The following RAI1 variants were observed in gnomAD, a reference collection of about 807,000 sequenced individuals.
RAI1 encodes the protein retinoic acid induced 1, also known as retinoic acid-induced protein 1.
Under a neutral mutation model 123.8 loss-of-function variants are expected in RAI1, and 9 were observed. The ratio of observed to expected loss-of-function variants is 0.07; its 90% CI spans 0.04 to 0.13. RAI1 has a LOEUF of 0.13. RAI1 is among the 10% of genes least tolerant of loss of function. The pLI is 1.00. For synonymous variants in RAI1, 1,231 were observed against 1,127.3 expected (o/e 1.09, Z -1.84); for missense variants, 2,256 against 2,545.8 (o/e 0.89, Z 2.45).
chr17:17,690,038 G>A (rs1914784024), intron 1 of RAI1, among the ~76,000 whole-genome samples: 1 of 152,072 alleles, frequency 6.6e-6, no homozygotes, highest in Admixed American at 6.5e-5. Context: ...AGGCCTTATT[G>A]ACCTGGGAAA....
chr17:17,801,562 T>C lies in RAI1; in HGVS notation c.5566-2194T>C, dbSNP rs1351387035. Reference sequence around the variant, plus strand: ...ACAGCAGCCGGCTTGTGTTTCGTCATCCCTTTTGGGTCAGGAACTGGGGAC... The same window carrying C: ...ACAGCAGCCGGCTTGTGTTTCGTCACCCCTTTTGGGTCAGGAACTGGGGAC... On this transcript the variant is annotated intron_variant, in intron 3 of 5. Transcript: ENST00000353383. This position sits in a 1 kb window ranked among gnomAD's most constrained non-coding sequence, Gnocchi z 4.1. 6.6e-6 allele frequency among the ~76,000 whole-genome samples: 1 copy of C among 152,156 alleles called. No individual in the cohort carries two copies. Among genetic ancestry groups the C allele is most frequent in the East Asian group, 1.9e-4 (1 of 5,202 alleles).
chr17:17,690,182 C>G (rs1291168523), intron 1 of RAI1, among the ~76,000 whole-genome samples: 2 of 151,956 alleles, frequency 1.3e-5, no homozygotes, highest in African/African-American at 2.4e-5. Flanking sequence ...CCCGGGAGTT[C>G]GAGACCAGCC....
intron 2 of RAI1, among the ~76,000 whole-genome samples, chr17:17,763,671 G>A (rs2030800542): frequency 1.3e-5 from 2 of 152,236 alleles, no homozygotes; most frequent in African/African-American, 2.4e-5. Flanking sequence ...CAGCATGCCT[G>A]GAGTGTAGAA....
chr17:17,774,827 C>T (rs2031280241), intron 2 of RAI1, among the ~76,000 whole-genome samples: 2 of 152,254 alleles, frequency 1.3e-5, no homozygotes, highest in South Asian at 4.1e-4. Context: ...ATCTGCGCAC[C>T]ATCGTCTGAG....
At chr17:17,752,854 ATC>A (rs1428344082) in intron 2 of RAI1, among the ~76,000 whole-genome samples, 1 of 151,588 alleles carries the variant, frequency 6.6e-6, no homozygotes, top group African/African-American at 2.4e-5. Flanking sequence ...CAGCGTTTAT[ATC>A]TCTTTTTGTG....
At chr17:17,734,701 C>G (rs761070681) in intron 2 of RAI1, among the ~76,000 whole-genome samples, 1 of 152,208 alleles carries the variant, frequency 6.6e-6, no homozygotes, top group Non-Finnish European at 1.5e-5. Flanking sequence ...TTCCTATGTG[C>G]GGGTCAGAGC....
chr17:17,779,064 A>G (rs913688000), intron 2 of RAI1: 1 of 367,786 alleles, frequency 2.7e-6, no homozygotes, highest in Non-Finnish European at 5.4e-6. Flanking sequence ...TTTTACTCTT[A>G]AACACCTTCG....
intron 1 of RAI1, among the ~76,000 whole-genome samples, chr17:17,707,792 C>T (rs2142899350): frequency 1.3e-5 from 2 of 152,282 alleles, no homozygotes; most frequent in Middle Eastern, 3.4e-3. Flanking sequence ...CGGGTTTTTG[C>T]CATGTTGCCC....
In RAI1 at chr17:17,810,065, CG is replaced by C; in HGVS notation, c.*87del. ...GGAGAGGAGCCGCCTGCGCAGCCCC[CG>C]GGCCTTTGAGCTGCTCCCAGCGCTG... On this transcript the variant is annotated 3_prime_UTR_variant, in exon 6 of 6. Transcript: ENST00000353383. The surrounding 1 kb of genome is among the most constrained non-coding windows in gnomAD (Gnocchi z 4.6). 7 of 1,520,984 alleles carry C rather than the reference CG, an allele frequency of 4.6e-6. No individual in the cohort carries two copies. The highest frequency in any genetic ancestry group is 6.2e-6 in the Non-Finnish European group (7 of 1,131,086). 94.2% of individuals were successfully genotyped at this position (1,520,984 alleles called of 1,614,324 possible).
chr17:17,686,106 T>C (rs1158550113), intron 1 of RAI1, among the ~76,000 whole-genome samples: 1 of 152,202 alleles, frequency 6.6e-6, no homozygotes, highest in African/African-American at 2.4e-5. Context: ...TGAAAGCACG[T>C]CTCCTTGCTC....
Position 17,724,620 on chromosome 17 carries a change from G to T in RAI1, c.-17+461G>T, listed in dbSNP as rs1916016474. On this transcript the variant is annotated intron_variant, in intron 2 of 5. Coordinates refer to ENST00000353383, the MANE Select transcript of RAI1 (RefSeq NM_030665.4). ...AGTTCTGTTCAAGTTCGCAATCTGC[G>T]CCCCGAAGCTGGTCGGACCGGGGAG... Among the ~76,000 whole-genome samples the T allele has an allele frequency of 5.3e-5, 8 of 152,202 alleles. No homozygotes were observed. In the South Asian group the frequency reaches 1.7e-3, roughly 32 times the overall value.
intron 2 of RAI1, among the ~76,000 whole-genome samples, chr17:17,769,880 G>GAA (rs1050705125): frequency 2.6e-5 from 4 of 152,180 alleles, no homozygotes; most frequent in Non-Finnish European, 5.9e-5. Flanking sequence ...CGGGTGGAGG[G>GAA]AAATGGGCTT....
chr17:17,732,763 C>T (rs1486499053), intron 2 of RAI1, among the ~76,000 whole-genome samples: 1 of 152,208 alleles, frequency 6.6e-6, no homozygotes, highest in Non-Finnish European at 1.5e-5. Context: ...TGCAGTCCTG[C>T]TGCCCAGCTT....
chr17:17,688,581 G>T (rs546607599), intron 1 of RAI1, among the ~76,000 whole-genome samples: 88 of 152,186 alleles, frequency 5.8e-4, no homozygotes, highest in South Asian at 5.2e-3. Context: ...GGGCTGTTAG[G>T]CAGTTGTTTT....
At chr17:17,746,338 G>T (rs546804196) in intron 2 of RAI1, among the ~76,000 whole-genome samples, 2 of 152,222 alleles carry the variant, frequency 1.3e-5, no homozygotes, top group African/African-American at 4.8e-5. Flanking sequence ...TTATTTTCCT[G>T]ATTGAAGGAA....
intron 2 of RAI1, among the ~76,000 whole-genome samples, chr17:17,728,836 A>C (rs1224333744): frequency 1.3e-5 from 2 of 152,156 alleles, no homozygotes; most frequent in Admixed American, 1.3e-4. Context: ...TCTGACCCCG[A>C]GGCCCAGATG....
chr17:17,798,915 G>A lies in RAI1; in HGVS notation c.5565+402G>A, dbSNP rs537468258. Among the ~76,000 whole-genome samples, 7 of 152,328 alleles carry A rather than the reference G, an allele frequency of 4.6e-5. No individual in the cohort carries two copies. In the South Asian group the frequency reaches 1.4e-3, roughly 32 times the overall value. ...CAGGGCTGCCCCGGGCGGTGCAAGA[G>A]CAAGTTGCCCACCCTCTGTTCCTGT... On this transcript the variant is annotated intron_variant, in intron 3 of 5. Transcript: ENST00000353383.
At chr17:17,709,354 C>T (rs1345486379) in intron 1 of RAI1, among the ~76,000 whole-genome samples, 2 of 152,154 alleles carry the variant, frequency 1.3e-5, no homozygotes, top group African/African-American at 4.8e-5. Context: ...CTCTCAGTCT[C>T]TCTTCTTTGG....
At chr17:17,725,024 C>T (rs921564651) in intron 2 of RAI1, among the ~76,000 whole-genome samples, 4 of 152,030 alleles carry the variant, frequency 2.6e-5, no homozygotes, top group Non-Finnish European at 4.4e-5. Context: ...GAGGAGGTCC[C>T]TCCTGGGGCT....
Sources: allele counts gnomAD v4.1 joint callset (sites outside exome capture counted in the v4.1 genomes callset), GRCh38; gene constraint gnomAD v4.1.1; non-coding constraint Gnocchi (gnomAD v3.1); transcripts MANE v1.5; gene names NCBI Gene and HGNC (gene_info 2026-07-23, HGNC 2026-07-21).